Variants in RNF150 observed in about 807,000 individuals in gnomAD.
RNF150 encodes ring finger protein 150.
RNF150 carries 24 observed loss-of-function variants against 39.3 expected under a neutral mutation model. That is an observed-to-expected ratio of 0.61 (90% CI 0.44 to 0.86). The LOEUF is 0.86. RNF150 is among the 40% of genes least tolerant of loss of function. The pLI, the probability that RNF150 is intolerant of heterozygous loss-of-function variation, is 0.00. For missense variants in RNF150, 502 were observed against 587.8 expected, an observed-to-expected ratio of 0.85 and a Z score of 1.51; for synonymous variants, 255 against 227.3, an observed-to-expected ratio of 1.12 and a Z score of -1.10.
chr4:141,066,586 T>C (rs979542894), intron 1 of RNF150, among the ~76,000 whole-genome samples: 8 of 152,210 alleles, frequency 5.3e-5, no homozygotes, highest in African/African-American at 1.9e-4. Context: ...CAAAGAGCTA[T>C]AGTACCTTAG....
At chr4:141,059,210 G>A (rs1436240110) in intron 1 of RNF150, among the ~76,000 whole-genome samples, 1 of 152,120 alleles carries the variant, frequency 6.6e-6, no homozygotes, top group Non-Finnish European at 1.5e-5. Context: ...TTCTCACTGA[G>A]ATTTTATTGG....
chr4:141,161,401 C>T (rs1270039916), intron 1 of RNF150, among the ~76,000 whole-genome samples: 2 of 152,140 alleles, frequency 1.3e-5, no homozygotes, highest in Non-Finnish European at 2.9e-5. Flanking sequence ...AAGAAATGAC[C>T]TAAAATTGGA....
At chr4:140,877,808 C>A (rs1465070829) in intron 6 of RNF150, among the ~76,000 whole-genome samples, 3 of 152,138 alleles carry the variant, frequency 2.0e-5, no homozygotes, top group Non-Finnish European at 4.4e-5. Context: ...CAAGAGGATT[C>A]ATGAAGTAGG....
chr4:140,917,230 T>G (rs1325016808), intron 5 of RNF150, among the ~76,000 whole-genome samples: 6 of 152,200 alleles, frequency 3.9e-5, no homozygotes, highest in Non-Finnish European at 7.3e-5. Flanking sequence ...ATGCTCCAGT[T>G]GAAAGGCACA....
At chr4:141,168,183 C>T (rs1283359010) in intron 1 of RNF150, among the ~76,000 whole-genome samples, 1 of 152,040 alleles carries the variant, frequency 6.6e-6, no homozygotes, top group Non-Finnish European at 1.5e-5. Flanking sequence ...GGCCAGCAAG[C>T]ATATGAAAAA....
At chr4:140,952,683 T>C (rs1269484642) in intron 2 of RNF150, among the ~76,000 whole-genome samples, 1 of 152,226 alleles carries the variant, frequency 6.6e-6, no homozygotes, top group Non-Finnish European at 1.5e-5. Flanking sequence ...GCTAGGGAAT[T>C]AGAAAGACGA....
chr4:140,996,504 G>C (rs1329899336), intron 1 of RNF150, among the ~76,000 whole-genome samples: 4 of 152,314 alleles, frequency 2.6e-5, no homozygotes, highest in Admixed American at 2.6e-4. Flanking sequence ...CCACTTCATA[G>C]CTGTGTGACT....
chr4:140,980,193 C>T (rs1419798916), intron 1 of RNF150, among the ~76,000 whole-genome samples: 1 of 152,024 alleles, frequency 6.6e-6, no homozygotes, highest in Non-Finnish European at 1.5e-5. Flanking sequence ...CAGGCTTGTG[C>T]CACCATGCCC....
At chr4:141,046,622 G>A (rs994140677) in intron 1 of RNF150, among the ~76,000 whole-genome samples, 4 of 152,162 alleles carry the variant, frequency 2.6e-5, no homozygotes, top group Admixed American at 2.0e-4. Context: ...GAACATCTGT[G>A]TTGCTCTGTA....
chr4:141,044,427 G>A (rs1736484582), intron 1 of RNF150, among the ~76,000 whole-genome samples: 1 of 151,976 alleles, frequency 6.6e-6, no homozygotes, highest in Non-Finnish European at 1.5e-5. Context: ...CAAAATCCTG[G>A]AAATGGAGAA....
At chr4:140,960,920 T>C (rs564174133) in intron 2 of RNF150, among the ~76,000 whole-genome samples, 1 of 152,264 alleles carries the variant, frequency 6.6e-6, no homozygotes, top group Non-Finnish European at 1.5e-5. Context: ...CACGCATATT[T>C]TCTCATTCAA....
intron 1 of RNF150, among the ~76,000 whole-genome samples, chr4:141,140,887 T>C (rs1401138562): frequency 1.3e-5 from 2 of 152,220 alleles, no homozygotes; most frequent in Non-Finnish European, 2.9e-5. Context: ...CTAGGACAAT[T>C]GAGGGAGACA....
At chr4:141,041,785 T>C (rs1474316694) in intron 1 of RNF150, among the ~76,000 whole-genome samples, 1 of 152,114 alleles carries the variant, frequency 6.6e-6, no homozygotes, top group African/African-American at 2.4e-5. Flanking sequence ...TATCATTATA[T>C]TATGTAAATG....
intron 1 of RNF150, among the ~76,000 whole-genome samples, chr4:141,203,993 G>T (rs1728335817): frequency 6.6e-6 from 1 of 152,092 alleles, no homozygotes; most frequent in African/African-American, 2.4e-5. Flanking sequence ...TCCAAGCCAG[G>T]GTAACACTGT....
intron 4 of RNF150, among the ~76,000 whole-genome samples, chr4:140,932,913 C>G (rs1236520743): frequency 6.6e-6 from 1 of 152,186 alleles, no homozygotes; most frequent in Non-Finnish European, 1.5e-5. Flanking sequence ...TGAGTAGATA[C>G]CCTCTGCTGA....
At chr4:140,874,288 C>T (rs1247512847) in intron 6 of RNF150, among the ~76,000 whole-genome samples, 4 of 152,244 alleles carry the variant, frequency 2.6e-5, no homozygotes, top group Non-Finnish European at 5.9e-5. Flanking sequence ...CAAGTTCTTT[C>T]CAACCCTGAG....
chr4:140,866,978 C>A lies in RNF150; in HGVS notation c.*1283G>T, dbSNP rs552296389. ...TCAGTATTTACTTGATACCTCTTTT[C>A]CTTTCCCTCTTACTTTGTCTATTTC... On this transcript the variant is annotated 3_prime_UTR_variant, in exon 7 of 7. Transcript: ENST00000515673. The A allele has an allele frequency of 1.3e-5, 2 of 152,330 alleles. No individual in the cohort carries two copies. The highest frequency in any genetic ancestry group is 1.3e-4 in the Admixed American group (2 of 15,302). The allele number at this position is 152,330 out of a possible 1,614,324, so 9.4% of individuals were successfully genotyped here.
intron 4 of RNF150, among the ~76,000 whole-genome samples, chr4:140,935,196 A>G (rs1731817093): frequency 6.6e-6 from 1 of 150,946 alleles, no homozygotes; most frequent in Non-Finnish European, 1.5e-5. Flanking sequence ...ACTTAAAAAA[A>G]CAAAGAAAGG....
intron 5 of RNF150, among the ~76,000 whole-genome samples, chr4:140,915,077 T>C (rs1214969328): frequency 6.6e-6 from 1 of 152,206 alleles, no homozygotes; most frequent in African/African-American, 2.4e-5. Context: ...AATTCATAAA[T>C]ACGATTGTGT....
Sources: gnomAD v4.1 joint callset for allele counts (sites outside exome capture counted in the v4.1 genomes callset) on GRCh38, gnomAD v4.1.1 for gene constraint, MANE v1.5 for transcripts, NCBI Gene and HGNC (gene_info 2026-07-23, HGNC 2026-07-21) for gene names.